KCTD8: variants seen among roughly 807,000 people sequenced by gnomAD.
The protein encoded by KCTD8 is potassium channel tetramerization domain containing 8.
In KCTD8, 27 loss-of-function variants were observed where a neutral mutation model predicts 31.5. That is an observed-to-expected ratio of 0.86 (90% confidence interval 0.63 to 1.18). KCTD8 has a LOEUF of 1.18. Ranked by LOEUF, KCTD8 falls within the 50% of genes most tolerant of loss-of-function variation. The pLI is 0.00. For missense variants in KCTD8, 658 were observed against 647.7 expected (o/e 1.02, Z -0.17); for synonymous variants, 290 against 280.0 (o/e 1.04, Z -0.36).
At position 44,372,295 on chromosome 4, in the gene KCTD8, A is replaced by C. The variant is rs540527015; in HGVS notation, c.961+75268T>G. Among the ~76,000 whole-genome samples the C allele has an allele frequency of 4.6e-5, 7 of 152,324 alleles. No homozygotes were observed. In the South Asian group the frequency reaches 1.4e-3, roughly 32 times the overall value. On this transcript the variant is annotated intron_variant, in intron 1 of 1. Coordinates refer to ENST00000360029, the MANE Select transcript of KCTD8 (RefSeq NM_198353.3). Reference sequence around the variant, plus strand: ...TCACTCACTCTATCAGACTAATGTAATACAGTCCTTACACTCGAGGGGCTT... The same window carrying C: ...TCACTCACTCTATCAGACTAATGTACTACAGTCCTTACACTCGAGGGGCTT...
intron 1 of KCTD8, among the ~76,000 whole-genome samples, chr4:44,444,360 A>G (rs1721887532): frequency 6.6e-6 from 1 of 152,234 alleles, no homozygotes; most frequent in Non-Finnish European, 1.5e-5. Context: ...TCAAATTCAA[A>G]TTCAAAGAAA....
intron 1 of KCTD8, among the ~76,000 whole-genome samples, chr4:44,391,762 T>G (rs1280539602): frequency 6.6e-6 from 1 of 151,894 alleles, no homozygotes; most frequent in African/African-American, 2.4e-5. Flanking sequence ...CAGCCTTATA[T>G]TTTTAAAGGG....
intron 1 of KCTD8, among the ~76,000 whole-genome samples, chr4:44,426,424 C>T (rs79217277): frequency 0.03 from 4,547 of 151,370 alleles, 87 homozygotes; most frequent in Non-Finnish European, 0.048. Context: ...GTAAGAATGA[C>T]ATTATAAGAA....
chr4:44,388,907 G>A lies in KCTD8; in HGVS notation c.961+58656C>T, dbSNP rs187228373. Among the ~76,000 whole-genome samples the A allele has an allele frequency of 3.6e-3, 489 of 135,766 alleles. 5 individuals carry two copies. Among genetic ancestry groups the A allele is most frequent in the Non-Finnish European group, 2.7e-3 (182 of 67,720 alleles). The allele number at this position is 135,766 out of a possible 152,430, so 89.1% of individuals were successfully genotyped here. A position where few individuals can be genotyped will look rare whatever the true frequency, so the allele number is the denominator to read the frequency against. Reference sequence around the variant, plus strand: ...AAACTCCCCACCAAAAAAAGATAATGTGGTACATATATACAATGGAGTATT... The same window carrying A: ...AAACTCCCCACCAAAAAAAGATAATATGGTACATATATACAATGGAGTATT... On this transcript the variant is annotated intron_variant, in intron 1 of 1. Coordinates refer to ENST00000360029, the MANE Select transcript of KCTD8 (RefSeq NM_198353.3).
At chr4:44,268,418 C>G (rs1200049301) in intron 1 of KCTD8, among the ~76,000 whole-genome samples, 2 of 152,088 alleles carry the variant, frequency 1.3e-5, no homozygotes, top group Non-Finnish European at 1.5e-5. Context: ...CTATCTAGGA[C>G]AAACCCACAG....
chr4:44,288,987 A>AAT (rs1717187023), intron 1 of KCTD8, among the ~76,000 whole-genome samples: 1 of 151,436 alleles, frequency 6.6e-6, no homozygotes, highest in South Asian at 2.1e-4. Context: ...TACAGGTTAA[A>AAT]ATATATATAT....
chr4:44,295,460 C>G (rs546804614), intron 1 of KCTD8, among the ~76,000 whole-genome samples: 17 of 151,908 alleles, frequency 1.1e-4, no homozygotes, highest in African/African-American at 4.1e-4. Flanking sequence ...TTATCTTGTC[C>G]TTATTTAATT....
At chr4:44,269,235 A>G (rs1043469550) in intron 1 of KCTD8, among the ~76,000 whole-genome samples, 14 of 152,182 alleles carry the variant, frequency 9.2e-5, no homozygotes, top group South Asian at 2.1e-4. Context: ...AAATAATGCC[A>G]CATATCTACA....
Position 44,305,400 on chromosome 4 carries a change from A to G in KCTD8, c.962-130150T>C, listed in dbSNP as rs1349271565. 2.6e-5 allele frequency among the ~76,000 whole-genome samples: 4 copies of G among 151,820 alleles called. No homozygotes were observed. In the East Asian group the frequency reaches 7.7e-4, roughly 29 times the overall value. ...ATTGAAAATAAAAGGATATTTTAAA[A>G]GTTTACTAGACACGAAATTACCAAG... On this transcript the variant is annotated intron_variant, in intron 1 of 1. Transcript: ENST00000360029.
At chr4:44,329,560 C>A (rs911397176) in intron 1 of KCTD8, among the ~76,000 whole-genome samples, 2 of 151,816 alleles carry the variant, frequency 1.3e-5, no homozygotes, top group Admixed American at 6.6e-5. Flanking sequence ...CTGTAAAGCT[C>A]TATATAGATG....
At chr4:44,396,041 T>C (rs1720497452) in intron 1 of KCTD8, among the ~76,000 whole-genome samples, 1 of 152,136 alleles carries the variant, frequency 6.6e-6, no homozygotes, top group Admixed American at 6.6e-5. Flanking sequence ...CAAGTCACCA[T>C]AATCTAGAAT....
chr4:44,361,505 T>C (rs1404171223), intron 1 of KCTD8, among the ~76,000 whole-genome samples: 1 of 152,098 alleles, frequency 6.6e-6, no homozygotes, highest in Non-Finnish European at 1.5e-5. Context: ...TGAACAGGAC[T>C]AGATTTGTCA....
intron 1 of KCTD8, among the ~76,000 whole-genome samples, chr4:44,302,934 G>A (rs1717673564): frequency 6.6e-6 from 1 of 152,134 alleles, no homozygotes; most frequent in African/African-American, 2.4e-5. Context: ...ATGAAGGGTT[G>A]TTGAATTTTG....
chr4:44,374,450 G>A (rs533983804), intron 1 of KCTD8, among the ~76,000 whole-genome samples: 2 of 152,248 alleles, frequency 1.3e-5, no homozygotes, highest in Non-Finnish European at 1.5e-5. Context: ...TCACTAATAA[G>A]GTTGTTACAC....
chr4:44,427,108 A>G (rs1468636336), intron 1 of KCTD8, among the ~76,000 whole-genome samples: 3 of 151,580 alleles, frequency 2.0e-5, no homozygotes, highest in Non-Finnish European at 4.4e-5. Flanking sequence ...CTTATTTATG[A>G]TTACAAAAGA....
In KCTD8 at chr4:44,303,932, C is replaced by T. The variant is rs570741294; in HGVS notation, c.962-128682G>A. On this transcript the variant is annotated intron_variant, in intron 1 of 1. Coordinates refer to ENST00000360029, the MANE Select transcript of KCTD8 (RefSeq NM_198353.3). The stretch of plus-strand genomic sequence containing the variant: ...CAGAAAAGGTATTGCCCTCCAAAAT[C>T]TCAGCTGCAAGATAAATACAAACTC... Among the ~76,000 whole-genome samples, 9 of 152,218 alleles carry T rather than the reference C, an allele frequency of 5.9e-5. No individual in the cohort carries two copies. In the East Asian group the frequency reaches 1.4e-3, roughly 23 times the overall value.
intron 1 of KCTD8, among the ~76,000 whole-genome samples, chr4:44,284,197 G>A (rs536518269): frequency 1.8e-4 from 28 of 152,252 alleles, no homozygotes; most frequent in Admixed American, 2.0e-4. Flanking sequence ...GAAGAACAAA[G>A]CTGAACGCAT....
intron 1 of KCTD8, among the ~76,000 whole-genome samples, chr4:44,382,301 C>A (rs941248915): frequency 6.6e-6 from 1 of 151,992 alleles, no homozygotes; most frequent in African/African-American, 2.4e-5. Flanking sequence ...AAAATTAACA[C>A]CCTTCATGAA....
chr4:44,229,439 G>A (rs943866919), intron 1 of KCTD8, among the ~76,000 whole-genome samples: 17 of 152,182 alleles, frequency 1.1e-4, no homozygotes, highest in African/African-American at 4.1e-4. Context: ...TGGCAAAGGG[G>A]AGAAAAGCCT....
Sources: gnomAD v4.1 joint callset for allele counts (sites outside exome capture counted in the v4.1 genomes callset) on GRCh38, gnomAD v4.1.1 for gene constraint, MANE v1.5 for transcripts, NCBI Gene and HGNC (gene_info 2026-07-23, HGNC 2026-07-21) for gene names.